The following SDF4 variants were observed in gnomAD, a reference collection of about 807,000 sequenced individuals.
SDF4 encodes the protein stromal cell derived factor 4.
In SDF4, 22 loss-of-function variants were observed where a neutral mutation model predicts 34.2. The ratio of observed to expected loss-of-function variants is 0.64; its 90% confidence interval spans 0.46 to 0.92. The LOEUF (loss-of-function observed/expected upper bound fraction) is 0.92. SDF4 is among the 40% of genes least tolerant of loss of function. The probability of loss-of-function intolerance (pLI) is 0.00; values close to 1 mark genes in which losing one functional copy is unlikely to be tolerated. For synonymous variants in SDF4, 236 were observed against 203.1 expected, an observed-to-expected ratio of 1.16 and a Z score of -1.38; for missense variants, 447 against 499.9, an observed-to-expected ratio of 0.89 and a Z score of 1.01.
chr1:1,227,498 G>A (rs554566399), intron 2 of SDF4, among the ~76,000 whole-genome samples: 12 of 152,086 alleles, frequency 7.9e-5, no homozygotes, highest in African/African-American at 2.4e-4. Flanking sequence ...CAGGCCCTGC[G>A]GCGGGGGCTG....
Position 1,217,769 on chromosome 1 carries a change from G to A in SDF4, c.892-81C>T. ...CCAGCCGCACGAAGTGGCTATTTAA[G>A]GTGCCTATTGGCTGCAGCGGGAGTG... On this transcript the variant is annotated intron_variant, in intron 6 of 6. Transcript: ENST00000360001. This position sits in a 1 kb window ranked among gnomAD's most constrained non-coding sequence, Gnocchi z 8.5. The A allele has an allele frequency of 6.2e-7, 1 of 1,601,542 alleles. No homozygotes were observed. Among genetic ancestry groups the A allele is most frequent in the Non-Finnish European group, 8.5e-7 (1 of 1,175,134 alleles).
rs1322182236 is a variant in SDF4, at chr1:1,217,521, C to T, written c.1059G>A (p.Glu353=). 7.5e-6 allele frequency: 12 copies of T among 1,604,270 alleles called. No homozygotes were observed. The highest frequency in any genetic ancestry group is 1.1e-5 in the South Asian group (1 of 90,400). The change falls in exon 7 of 7, where the codon GAG becomes GAA. Residue 353 remains glutamate (E), a synonymous_variant. Transcript: ENST00000360001. The surrounding 1 kb of genome is among the most constrained non-coding windows in gnomAD (Gnocchi z 8.5). ...KLVDYARSVH[E]EF Reference sequence around the variant, plus strand: ...GGGCGCGGCCGGGCGCTCAAAACTCCTCGTGCACGCTGCGCGCGTAGTCCA... The same window carrying T: ...GGGCGCGGCCGGGCGCTCAAAACTCTTCGTGCACGCTGCGCGCGTAGTCCA...
chr1:1,224,082 G>A, intron 2 of SDF4, 114 bp from the exon 3 acceptor site: 1 of 1,533,326 alleles, frequency 6.5e-7, no homozygotes, highest in Non-Finnish European at 8.8e-7. Flanking sequence ...GCCACCAACA[G>A]CGACAGGCTC....
At chr1:1,230,718 C>G (rs1274918970) in intron 1 of SDF4, among the ~76,000 whole-genome samples, 2 of 152,242 alleles carry the variant, frequency 1.3e-5, no homozygotes, top group Non-Finnish European at 2.9e-5. Context: ...CTCGGCCTCC[C>G]AAAGTGCTGG....
rs1022841120 is a variant in SDF4, at chr1:1,217,997, A to G, written c.892-309T>C. Among the ~76,000 whole-genome samples, 5 of 152,206 alleles carry G rather than the reference A, an allele frequency of 3.3e-5. No homozygotes were observed. In the South Asian group the frequency reaches 1.0e-3, roughly 31 times the overall value. ...GTCGCCAGGAATCACAGGATTCTAC[A>G]TAAAAACAAGATGACTCACTCAGCA... is the stretch of plus-strand genomic sequence containing the variant. On this transcript the variant is annotated intron_variant, in intron 6 of 6. Coordinates refer to ENST00000360001, the MANE Select transcript of SDF4 (RefSeq NM_016176.6). The surrounding 1 kb of genome is among the most constrained non-coding windows in gnomAD (Gnocchi z 8.5).
At chr1:1,224,877 C>T (rs772550658) in intron 2 of SDF4, among the ~76,000 whole-genome samples, 10 of 152,220 alleles carry the variant, frequency 6.6e-5, no homozygotes, top group Admixed American at 2.0e-4. Context: ...CACACCACTG[C>T]ACTCCAGCCT....
rs1441758949 is a variant in SDF4 at position 1,217,908 on chromosome 1, A to G, written c.892-220T>C. On this transcript the variant is annotated intron_variant, in intron 6 of 6. Coordinates refer to ENST00000360001, the MANE Select transcript of SDF4 (RefSeq NM_016176.6). This position sits in a 1 kb window ranked among gnomAD's most constrained non-coding sequence, Gnocchi z 8.5. ...GGGGCCAGCAGGGGTAACGGGGCAC[A>G]GGGGCTACACAGGCCTGGACCCCAG... The G allele has an allele frequency of 9.2e-6, 12 of 1,300,128 alleles. No individual in the cohort carries two copies. The East Asian group carries it at 2.6e-4, about 28-fold the overall frequency. The allele number at this position is 1,300,128 out of a possible 1,614,324, so 80.5% of individuals were successfully genotyped here.
At chr1:1,231,562 G>A (rs780912665) in intron 1 of SDF4, among the ~76,000 whole-genome samples, 1 of 152,268 alleles carries the variant, frequency 6.6e-6, no homozygotes, top group Non-Finnish European at 1.5e-5. Flanking sequence ...GGGAAGCGGG[G>A]CAGCTTGTCC....
intron 1 of SDF4, among the ~76,000 whole-genome samples, chr1:1,231,214 G>C (rs899940383): frequency 1.3e-5 from 2 of 152,210 alleles, no homozygotes; most frequent in Non-Finnish European, 2.9e-5. Flanking sequence ...TCGCAGCACA[G>C]CGGAGCGGGC....
chr1:1,217,488 G>C lies in SDF4; in HGVS notation c.*24C>G, dbSNP rs1649582272. ...AGGCCGCCCCGGTGGTGCGTGGGGG[G>C]CGGCGCGGGGCGCGGCCGGGCGCTC... is the stretch of plus-strand genomic sequence containing the variant. On this transcript the variant is annotated 3_prime_UTR_variant, in exon 7 of 7. Coordinates refer to ENST00000360001, the MANE Select transcript of SDF4 (RefSeq NM_016176.6). This position sits in a 1 kb window ranked among gnomAD's most constrained non-coding sequence, Gnocchi z 8.5. 5 of 1,495,792 alleles carry C rather than the reference G, an allele frequency of 3.3e-6. No homozygotes were observed. The South Asian group carries it at 6.6e-5, about 20-fold the overall frequency. 92.7% of individuals were successfully genotyped at this position (1,495,792 alleles called of 1,614,324 possible). A position where few individuals can be genotyped will look rare whatever the true frequency, so the allele number is the denominator to read the frequency against.
At chr1:1,220,938 C>T (rs951360700) in intron 4 of SDF4, 1 of 378,632 alleles carries the variant, frequency 2.6e-6, no homozygotes, top group African/African-American at 2.1e-5. Context: ...AAATGTAAAC[C>T]ACTCTTTTGG....
intron 2 of SDF4, among the ~76,000 whole-genome samples, chr1:1,224,997 C>G (rs560047864): frequency 6.6e-6 from 1 of 152,242 alleles, no homozygotes; most frequent in East Asian, 1.9e-4. Flanking sequence ...ACATTGTGTG[C>G]AAGGATGGAA....
chr1:1,218,537 C>T lies in SDF4; in HGVS notation c.812G>A (p.Trp271Ter). 6.2e-7 allele frequency: 1 copy of T among 1,614,086 alleles called. No individual in the cohort carries two copies. Among genetic ancestry groups the T allele is most frequent in the South Asian group, 1.1e-5 (1 of 91,084 alleles). The change falls in exon 6 of 7, where the codon TGG becomes TAG. Residue 271 changes from tryptophan (W) to a stop codon, truncating the protein, a stop_gained. Transcript: ENST00000360001. LOFTEE classifies it high-confidence loss of function. The surrounding 1 kb of genome is among the most constrained non-coding windows in gnomAD (Gnocchi z 7.9). The part of the protein sequence containing the change: ...NQQGQDIDDN[W>*]VKDRKKEFEE... ...AAACTCCTTTTTTCTGTCTTTCACC[C>T]AGTTGTCGTCAATGTCCTGGCCCTG... is the stretch of plus-strand genomic sequence containing the variant.
At chr1:1,224,777 G>A (rs1357366429) in intron 2 of SDF4, among the ~76,000 whole-genome samples, 7 of 152,290 alleles carry the variant, frequency 4.6e-5, no homozygotes, top group African/African-American at 1.2e-4. Flanking sequence ...CGCCAGGCGC[G>A]GTGGCGTGCA....
At position 1,228,709 on chromosome 1, in the gene SDF4, C is replaced by G. The variant is rs1638393769; in HGVS notation, c.64G>C (p.Val22Leu). Residue 22 changes from valine (V) to leucine (L), a missense_variant, in exon 2 of 7, where the codon GTC becomes CTC. Coordinates refer to ENST00000360001, the MANE Select transcript of SDF4 (RefSeq NM_016176.6). The stretch of plus-strand genomic sequence containing the variant: ...CGTGCAGACGCGTCCATCAGAAGGA[C>G]TGCCCCCAGGAGCCAGAGGCAGCAC... ...APCCLWLLGA[V>L]LLMDASARPA... 1.9e-6 allele frequency: 3 copies of G among 1,612,950 alleles called. No individual in the cohort carries two copies. The highest frequency in any genetic ancestry group is 1.1e-5 in the South Asian group (1 of 91,092).
In SDF4 at chr1:1,217,431, C is replaced by T; in HGVS notation, c.*81G>A. 16 of 1,242,416 alleles carry T rather than the reference C, an allele frequency of 1.3e-5. No homozygotes were observed. The highest frequency in any genetic ancestry group is 4.3e-5 in the Admixed American group (1 of 23,092). The allele number at this position is 1,242,416 out of a possible 1,614,324, so 77.0% of individuals were successfully genotyped here. ...CGGGCGGCAGGGAAGAGGTGGGGTC[C>T]GGGACAGCCACGGAGCCCGGAGTCA... is the stretch of plus-strand genomic sequence containing the variant. On this transcript the variant is annotated 3_prime_UTR_variant, in exon 7 of 7. Transcript: ENST00000360001. The surrounding 1 kb of genome is among the most constrained non-coding windows in gnomAD (Gnocchi z 8.5).
intron 2 of SDF4, among the ~76,000 whole-genome samples, chr1:1,227,729 G>C (rs935894951): frequency 6.6e-6 from 1 of 152,228 alleles, no homozygotes; most frequent in African/African-American, 2.4e-5. Flanking sequence ...CGCCCGTGCA[G>C]GACCTGGCTC....
intron 1 of SDF4, among the ~76,000 whole-genome samples, chr1:1,230,119 C>G (rs551693404): frequency 1.3e-5 from 2 of 152,382 alleles, no homozygotes; most frequent in African/African-American, 4.8e-5. Context: ...CTTTCACAGT[C>G]TGCCCCTCCG....
At position 1,218,639 on chromosome 1, in the gene SDF4, A is replaced by G. The variant is rs113463008; in HGVS notation, c.716-6T>C. 2.0e-5 allele frequency: 33 copies of G among 1,613,704 alleles called. No homozygotes were observed. In the African/African-American group the frequency reaches 2.3e-4, roughly 11 times the overall value. On this transcript the variant is annotated splice_polypyrimidine_tract_variant and splice_region_variant and intron_variant, in intron 5 of 6. Coordinates refer to ENST00000360001, the MANE Select transcript of SDF4 (RefSeq NM_016176.6). The surrounding 1 kb of genome is among the most constrained non-coding windows in gnomAD (Gnocchi z 7.9). ...CTGCTTGTCACCGTCCTGGTCTGCG[A>G]GACGGGAATGGGTCAGCCCACACCC...
Sources: allele counts gnomAD v4.1 joint callset (sites outside exome capture counted in the v4.1 genomes callset), GRCh38; gene constraint gnomAD v4.1.1; non-coding constraint Gnocchi (gnomAD v3.1); transcripts MANE v1.5; gene names NCBI Gene and HGNC (gene_info 2026-07-23, HGNC 2026-07-21).